The following GLYATL1 variants were observed in gnomAD, a reference collection of about 807,000 sequenced individuals.
GLYATL1 encodes the protein glycine-N-acyltransferase like 1.
A neutral mutation model predicts 20.0 loss-of-function variants in GLYATL1; 15 were observed. The observed-to-expected ratio is 0.75, with a 90% CI of 0.50 to 1.15. The LOEUF is 1.15. Ranked by LOEUF, GLYATL1 falls within the 50% of genes most tolerant of loss-of-function variation. The pLI is 0.00. For missense variants in GLYATL1, 380 were observed against 368.5 expected (o/e 1.03, Z -0.26); for synonymous variants, 151 against 131.5 (o/e 1.15, Z -1.01).
chr11:58,905,952 C>A (rs1399737574), intron 1 of GLYATL1, among the ~76,000 whole-genome samples: 3 of 152,200 alleles, frequency 2.0e-5, no homozygotes, highest in Non-Finnish European at 4.4e-5. Context: ...CATTGGCCAG[C>A]GAGAGTGTCA....
At chr11:58,924,043 G>A (rs145763380), upstream of GLYATL1, among the ~76,000 whole-genome samples, 172 of 152,166 alleles carry the variant, frequency 1.1e-3, no homozygotes, top group African/African-American at 3.9e-3. Flanking sequence ...TGAATAACTC[G>A]TACGCTGAGA....
rs1186276598 is a variant in GLYATL1 at position 58,956,248 on chromosome 11, G to GTGTT, written c.*222_*225dup. 3 of 524,658 alleles carry GTGTT rather than the reference G, an allele frequency of 5.7e-6. No individual in the cohort carries two copies. The Admixed American group carries it at 9.8e-5, about 17-fold the overall frequency. The allele number at this position is 524,658 out of a possible 1,614,324, so 32.5% of individuals were successfully genotyped here. A position where few individuals can be genotyped will look rare whatever the true frequency, so the allele number is the denominator to read the frequency against. On this transcript the variant is annotated 3_prime_UTR_variant, in exon 7 of 7. Transcript: ENST00000532726. ...GGGTATATTCTTTAAATATGCTTAA[G>GTGTT]TGTTATAGGGAAAGACGGGGTTACC... is the stretch of plus-strand genomic sequence containing the variant.
chr11:58,933,340 A>C (rs1254462070), intron 1 of GLYATL1, among the ~76,000 whole-genome samples: 1 of 152,206 alleles, frequency 6.6e-6, no homozygotes, highest in Non-Finnish European at 1.5e-5. Flanking sequence ...CTATTCCTAT[A>C]ATCTCAGCTC....
chr11:58,905,772 C>T (rs954232766), intron 1 of GLYATL1: 5 of 384,464 alleles, frequency 1.3e-5, no homozygotes, highest in Non-Finnish European at 2.7e-5. Flanking sequence ...GCAGTCCCCT[C>T]GGCCTGGCCG....
Position 58,943,546 on chromosome 11 carries a change from G to C in GLYATL1, c.-163G>C. 1 of 1,611,158 alleles carries C rather than the reference G, an allele frequency of 6.2e-7. No individual in the cohort carries two copies. The highest frequency in any genetic ancestry group is 8.5e-7 in the Non-Finnish European group (1 of 1,178,634). On this transcript the variant is annotated 5_prime_UTR_variant, in exon 2 of 7. Coordinates refer to ENST00000532726, the MANE Select transcript of GLYATL1 (RefSeq NM_001389712.2). ...GCTGAAGTTTTTCTTTTATCAGATGGTGTCACAAGAAGGATCTGAAGTGGA... is the reference window on the plus strand; with the variant it reads ...GCTGAAGTTTTTCTTTTATCAGATGCTGTCACAAGAAGGATCTGAAGTGGA...
chr11:58,943,278 C>A, intron 1 of GLYATL1: 10 of 1,544,290 alleles, frequency 6.5e-6, no homozygotes, highest in Non-Finnish European at 7.9e-6. Flanking sequence ...AGCCATACTT[C>A]AACTACTCAT....
chr11:58,943,382 A>C (rs936872144), intron 1 of GLYATL1, 161 bp from the exon 2 acceptor site: 3 of 1,541,628 alleles, frequency 1.9e-6, no homozygotes, highest in African/African-American at 2.8e-5. Context: ...GTTCCTGTAC[A>C]TCACTTTACC....
At chr11:58,914,890 G>T (rs548404278) in intron 1 of GLYATL1, among the ~76,000 whole-genome samples, 9 of 152,260 alleles carry the variant, frequency 5.9e-5, no homozygotes, top group African/African-American at 2.2e-4. Flanking sequence ...TGGCTATTTT[G>T]CTAGGGATTG....
chr11:58,951,578 C>T (rs1413339210), intron 4 of GLYATL1, among the ~76,000 whole-genome samples: 4 of 152,034 alleles, frequency 2.6e-5, no homozygotes, highest in African/African-American at 9.7e-5. Flanking sequence ...ATTGGAGGAC[C>T]ATTTTTCGAC....
At chr11:58,950,618 T>A (rs1330213504) in intron 4 of GLYATL1, among the ~76,000 whole-genome samples, 1 of 152,212 alleles carries the variant, frequency 6.6e-6, no homozygotes, top group African/African-American at 2.4e-5. Flanking sequence ...TTACAGTTTA[T>A]CTTATTCTAA....
rs574526874 is a variant in GLYATL1, at chr11:58,954,750, T to A, written c.187-20T>A. On this transcript the variant is annotated intron_variant, in intron 4 of 6. Coordinates refer to ENST00000532726, the MANE Select transcript of GLYATL1 (RefSeq NM_001389712.2). ...GAAAAAGTTCAAGGGAATGACCTGA[T>A]CTTATATCATCCAATACAGGAGATG... 3.2e-5 allele frequency: 51 copies of A among 1,579,788 alleles called. No homozygotes were observed. The East Asian group carries it at 1.0e-3, about 31-fold the overall frequency.
At chr11:58,933,803 A>C (rs1285526690) in intron 1 of GLYATL1, 1 of 152,260 alleles carries the variant, frequency 6.6e-6, no homozygotes, top group Admixed American at 6.5e-5. Flanking sequence ...TAGGGTGTCT[A>C]GTGTGGTCTG....
At chr11:58,916,658 T>G (rs946980119) in intron 1 of GLYATL1, among the ~76,000 whole-genome samples, 1 of 152,228 alleles carries the variant, frequency 6.6e-6, no homozygotes, top group African/African-American at 2.4e-5. Context: ...AAAGCCTTCC[T>G]CTGAGGTTTG....
At chr11:58,928,743 C>A (rs1316569274) in intron 1 of GLYATL1, 1 of 152,202 alleles carries the variant, frequency 6.6e-6, no homozygotes, top group Non-Finnish European at 1.5e-5. Flanking sequence ...GTAGAATTAA[C>A]AACAGAAGAT....
chr11:58,908,531 G>T, exon 2 of GLYATL1: 1 of 212,128 alleles, frequency 4.7e-6, no homozygotes, highest in South Asian at 9.4e-5. Context: ...CAGAGGGCTA[G>T]ACCTGAAGTT....
chr11:58,928,298 G>A (rs1565121488), intron 1 of GLYATL1: 2 of 152,188 alleles, frequency 1.3e-5, no homozygotes, highest in African/African-American at 4.8e-5. Flanking sequence ...GTAACCTTGA[G>A]TGGGCACCAA....
chr11:58,910,172 T>A (rs1855005574), downstream of GLYATL1, among the ~76,000 whole-genome samples: 1 of 152,048 alleles, frequency 6.6e-6, no homozygotes, highest in African/African-American at 2.4e-5. Flanking sequence ...TCCTAAAAAG[T>A]GGGAGAGGGG....
chr11:58,937,927 C>T (rs536019106), upstream of GLYATL1, among the ~76,000 whole-genome samples: 1 of 152,304 alleles, frequency 6.6e-6, no homozygotes, highest in African/African-American at 2.4e-5. Flanking sequence ...GACACTCAGC[C>T]ATACTATTCC....
At chr11:58,907,816 T>C in exon 2 of GLYATL1, 1 of 180,334 alleles carries the variant, frequency 5.5e-6, no homozygotes, top group Non-Finnish European at 1.2e-5. Context: ...TTTCAAAGCT[T>C]GCATTTATTT....
Sources: gnomAD v4.1 joint callset for allele counts (sites outside exome capture counted in the v4.1 genomes callset) on GRCh38, gnomAD v4.1.1 for gene constraint, MANE v1.5 for transcripts, NCBI Gene and HGNC (gene_info 2026-07-23, HGNC 2026-07-21) for gene names.